Variants in VPS53 observed in about 807,000 individuals in gnomAD.
VPS53 encodes VPS53 subunit of GARP complex.
Under a neutral mutation model 107.0 loss-of-function variants are expected in VPS53, and 70 were observed. The ratio of observed to expected loss-of-function variants is 0.65; its 90% CI spans 0.54 to 0.80. The LOEUF is 0.80. Among genes scored for constraint, VPS53 ranks in the 30% least tolerant of loss-of-function variants. The pLI is 0.00. For missense variants in VPS53, 917 were observed against 1,049.4 expected (o/e 0.87, Z 1.74); for synonymous variants, 409 against 393.3 (o/e 1.04, Z -0.47).
chr17:517,336 G>T lies in VPS53; in HGVS notation c.*1792C>A, dbSNP rs920175183. On this transcript the variant is annotated 3_prime_UTR_variant, in exon 22 of 22. Transcript: ENST00000437048. Reference sequence around the variant, plus strand: ...ACAGCCTGGAAGCCGATGAAGAAATGACACTCAGGATCAGAGCTGGACGGC... The same window carrying T: ...ACAGCCTGGAAGCCGATGAAGAAATTACACTCAGGATCAGAGCTGGACGGC... The T allele has an allele frequency of 7.5e-6, 3 of 397,866 alleles. No individual in the cohort carries two copies. The highest frequency in any genetic ancestry group is 1.3e-4 in the South Asian group (1 of 7,732). 24.6% of individuals were successfully genotyped at this position (397,866 alleles called of 1,614,324 possible).
intron 11 of VPS53, among the ~76,000 whole-genome samples, chr17:619,006 CG>C (rs1969312572): frequency 7.1e-6 from 1 of 140,392 alleles, no homozygotes; most frequent in African/African-American, 2.7e-5. Context: ...TAATATTTCC[CG>C]GGTAGCTGGG....
intron 4 of VPS53, among the ~76,000 whole-genome samples, chr17:672,153 A>ACTC (rs1193028603): frequency 1.7e-5 from 1 of 58,374 alleles, no homozygotes; most frequent in African/African-American, 6.5e-5. Flanking sequence ...CACACACACA[A>ACTC]TCTCTCTCTC....
At chr17:711,959 G>C (rs755623329) in intron 1 of VPS53, among the ~76,000 whole-genome samples, 11 of 151,970 alleles carry the variant, frequency 7.2e-5, no homozygotes, top group Non-Finnish European at 1.2e-4. Flanking sequence ...TGGGACTACA[G>C]GCGCTCGCCA....
At chr17:563,429 G>A (rs573587142) in intron 13 of VPS53, among the ~76,000 whole-genome samples, 22 of 151,654 alleles carry the variant, frequency 1.5e-4, no homozygotes, top group African/African-American at 5.1e-4. Context: ...CCATGTAGCT[G>A]GGACTACAGG....
chr17:697,895 T>A (rs1432259493), intron 3 of VPS53, among the ~76,000 whole-genome samples: 1 of 152,144 alleles, frequency 6.6e-6, no homozygotes, highest in Non-Finnish European at 1.5e-5. Context: ...GAGTGATAGA[T>A]GGAATCAGTG....
chr17:708,302 C>A (rs1415653648), intron 2 of VPS53, among the ~76,000 whole-genome samples: 1 of 152,172 alleles, frequency 6.6e-6, no homozygotes, highest in Admixed American at 6.5e-5. Flanking sequence ...TCAAGCAAGT[C>A]ACATGTCCAC....
At chr17:681,865 G>A (rs1221152899) in intron 4 of VPS53, among the ~76,000 whole-genome samples, 1 of 152,136 alleles carries the variant, frequency 6.6e-6, no homozygotes, top group Non-Finnish European at 1.5e-5. Context: ...TCTTTTATGA[G>A]GACACTGATC....
At chr17:627,557 C>T (rs1969767045) in intron 9 of VPS53, among the ~76,000 whole-genome samples, 1 of 152,144 alleles carries the variant, frequency 6.6e-6, no homozygotes, top group Non-Finnish European at 1.5e-5. Context: ...GTCAGCAGAT[C>T]ACCTGAGGTC....
chr17:624,173 G>A (rs923369779), intron 10 of VPS53, among the ~76,000 whole-genome samples: 13 of 152,114 alleles, frequency 8.5e-5, no homozygotes, highest in African/African-American at 2.2e-4. Flanking sequence ...TAGTTACTAC[G>A]TTGCCTGTAT....
At position 665,015 on chromosome 17, in the gene VPS53, GC is replaced by G. The variant is rs745777007; in HGVS notation, c.286-3121del. ...GTCCCATCTGCAATACGTTACGGGT[GC>G]CTGTGCTATGGCTGGAATGCATCCC... On this transcript the variant is annotated intron_variant, in intron 4 of 21. Transcript: ENST00000437048. 2.3e-3 allele frequency among the ~76,000 whole-genome samples: 347 copies of G among 152,296 alleles called. 1 individual carries two copies. Among genetic ancestry groups the G allele is most frequent in the South Asian group, 8.7e-3 (42 of 4,820 alleles).
At chr17:586,231 A>G in intron 13 of VPS53, 39 bp downstream of exon 13, 1 of 1,594,134 alleles carries the variant, frequency 6.3e-7, no homozygotes, top group Non-Finnish European at 8.6e-7. Flanking sequence ...CAGAGCGGCG[A>G]GAAATGCAGG....
intron 12 of VPS53, among the ~76,000 whole-genome samples, chr17:589,062 TGA>T (rs781121070): frequency 3.3e-5 from 5 of 151,972 alleles, no homozygotes; most frequent in African/African-American, 4.8e-5. Context: ...TAAATAATAA[TGA>T]TAAGTATTAT....
intron 4 of VPS53, among the ~76,000 whole-genome samples, chr17:673,492 C>T (rs147743696): frequency 5.2e-4 from 79 of 152,292 alleles, no homozygotes; most frequent in Non-Finnish European, 1.0e-3. Flanking sequence ...ATGCCAACAA[C>T]GCAGCCCACT....
At chr17:582,164 G>GCA (rs1967058885) in intron 13 of VPS53, among the ~76,000 whole-genome samples, 1 of 147,400 alleles carries the variant, frequency 6.8e-6, no homozygotes, top group Non-Finnish European at 1.5e-5. Context: ...AACCTAATGT[G>GCA]TTCCCAGAGA....
At chr17:599,830 T>C (rs1968245775) in intron 12 of VPS53, 1 of 152,378 alleles carries the variant, frequency 6.6e-6, no homozygotes, top group African/African-American at 2.4e-5. Context: ...TCTAGGTCTC[T>C]GGCCTCCTCC....
intron 4 of VPS53, among the ~76,000 whole-genome samples, chr17:663,924 T>C (rs1490056888): frequency 6.6e-6 from 1 of 152,146 alleles, no homozygotes; most frequent in Non-Finnish European, 1.5e-5. Context: ...AGAAACAAGA[T>C]AATTCCTAAG....
intron 11 of VPS53, chr17:616,327 T>C (rs1969132547): frequency 6.6e-6 from 1 of 152,238 alleles, no homozygotes; most frequent in South Asian, 2.1e-4. Context: ...AAGAAAGAAC[T>C]CATGGTGTTC....
At chr17:639,390 A>T (rs1219151178) in intron 7 of VPS53, among the ~76,000 whole-genome samples, 1 of 152,058 alleles carries the variant, frequency 6.6e-6, no homozygotes, top group Non-Finnish European at 1.5e-5. Context: ...GAGAAGTTTG[A>T]TCGTCTGAAG....
chr17:618,209 G>A (rs1343591456), intron 11 of VPS53, among the ~76,000 whole-genome samples: 1 of 73,966 alleles, frequency 1.4e-5, no homozygotes, highest in African/African-American at 4.5e-5. Context: ...GCGCCACCAC[G>A]CCCCACTAAT....
Sources: gnomAD v4.1 joint callset for allele counts (sites outside exome capture counted in the v4.1 genomes callset) on GRCh38, gnomAD v4.1.1 for gene constraint, MANE v1.5 for transcripts, NCBI Gene and HGNC (gene_info 2026-07-23, HGNC 2026-07-21) for gene names.